Variants in ATP10A observed in about 807,000 individuals in gnomAD.
ATP10A encodes the protein phospholipid-transporting ATPase VA.
In ATP10A, 111 loss-of-function variants were observed where a neutral mutation model predicts 147.8. The observed-to-expected ratio is 0.75, with a 90% CI of 0.64 to 0.88. The LOEUF (loss-of-function observed/expected upper bound fraction) is 0.88. Ranked by LOEUF, ATP10A falls within the 40% of genes least tolerant of loss-of-function variation. The pLI, the probability that ATP10A is intolerant of heterozygous loss-of-function variation, is 0.00. For synonymous variants in ATP10A, 875 were observed against 841.6 expected, an observed-to-expected ratio of 1.04 and a Z score of -0.69; for missense variants, 1,927 against 1,959.0, an observed-to-expected ratio of 0.98 and a Z score of 0.31.
intron 2 of ATP10A, among the ~76,000 whole-genome samples, chr15:25,755,576 G>A (rs1217311199): frequency 6.6e-6 from 1 of 152,156 alleles, no homozygotes; most frequent in Non-Finnish European, 1.5e-5. Flanking sequence ...TGCCACTTGT[G>A]CAAACAACCA....
intron 2 of ATP10A, among the ~76,000 whole-genome samples, chr15:25,736,822 CT>C (rs1887314610): frequency 6.6e-6 from 1 of 152,116 alleles, no homozygotes. Context: ...TAGTGGATTT[CT>C]TTTTTATCAG....
intron 2 of ATP10A, among the ~76,000 whole-genome samples, chr15:25,739,953 C>T (rs1887492903): frequency 6.6e-6 from 1 of 152,154 alleles, no homozygotes; most frequent in Non-Finnish European, 1.5e-5. Flanking sequence ...ATGCCCAGAG[C>T]CCTGCGGCAT....
intron 1 of ATP10A, among the ~76,000 whole-genome samples, chr15:25,811,553 T>C (rs1891434095): frequency 6.6e-6 from 1 of 152,028 alleles, no homozygotes; most frequent in Admixed American, 6.6e-5. Context: ...CCAACGCAGC[T>C]CTTGTTAGAG....
chr15:25,811,927 G>C (rs996857275), intron 1 of ATP10A, among the ~76,000 whole-genome samples: 1 of 152,192 alleles, frequency 6.6e-6, no homozygotes, highest in African/African-American at 2.4e-5. Context: ...AGGAAACCGA[G>C]GCACACGGCT....
chr15:25,674,208 G>C (rs1024352433), downstream of ATP10A, among the ~76,000 whole-genome samples: 1 of 152,246 alleles, frequency 6.6e-6, no homozygotes. Context: ...GGCTTGCTGG[G>C]TGATGAGGCA....
At chr15:25,706,382 C>G (rs1443663935) in intron 12 of ATP10A, among the ~76,000 whole-genome samples, 1 of 152,196 alleles carries the variant, frequency 6.6e-6, no homozygotes, top group Non-Finnish European at 1.5e-5. Context: ...GTGCCTGCGC[C>G]ACGCTCAGTG....
In ATP10A at chr15:25,784,486, C is replaced by T. The variant is rs118129485; in HGVS notation, c.450-3263G>A. On this transcript the variant is annotated intron_variant, in intron 1 of 20. Coordinates refer to ENST00000555815, the MANE Select transcript of ATP10A (RefSeq NM_024490.4). ...AAAATAGAAACTTCAGGGGAGGCATCTGGGCTCTGAAGGAGATTCCCCCCT... is the reference window on the plus strand; with the variant it reads ...AAAATAGAAACTTCAGGGGAGGCATTTGGGCTCTGAAGGAGATTCCCCCCT... Among the ~76,000 whole-genome samples the T allele has an allele frequency of 1.4e-3, 210 of 152,320 alleles. 8 individuals are homozygous for T. The East Asian group carries it at 0.035, about 25-fold the overall frequency.
Position 25,695,159 on chromosome 15 carries a change from T to C in ATP10A, c.2761-13A>G, listed in dbSNP as rs746228908. ...CTGCACACGCCTCCTGAAAGGGACA[T>C]GAGAGGACAGCGCAGTTCCCTCAGA... On this transcript the variant is annotated splice_polypyrimidine_tract_variant and intron_variant, in intron 13 of 20. Transcript: ENST00000555815. 1 of 1,600,876 alleles carries C rather than the reference T, an allele frequency of 6.2e-7. No homozygotes were observed. The highest frequency in any genetic ancestry group is 8.5e-7 in the Non-Finnish European group (1 of 1,171,810).
At chr15:25,847,225 G>A (rs1374099210) in intron 1 of ATP10A, among the ~76,000 whole-genome samples, 1 of 151,706 alleles carries the variant, frequency 6.6e-6, no homozygotes, top group Non-Finnish European at 1.5e-5. Flanking sequence ...TGAGCAGCAC[G>A]CGCAGGCACT....
intron 2 of ATP10A, among the ~76,000 whole-genome samples, chr15:25,743,193 TG>T (rs1443895360): frequency 6.6e-6 from 1 of 152,108 alleles, no homozygotes; most frequent in Non-Finnish European, 1.5e-5. Context: ...AGAGGCCAAC[TG>T]GGATGGAGAA....
At chr15:25,729,226 CCTGTAA>C (rs1237043069) in intron 3 of ATP10A, among the ~76,000 whole-genome samples, 1 of 152,160 alleles carries the variant, frequency 6.6e-6, no homozygotes, top group East Asian at 1.9e-4. Flanking sequence ...GTGGCTCACG[CCTGTAA>C]TCCCAGCACT....
At chr15:25,845,322 T>G (rs951126148) in intron 1 of ATP10A, among the ~76,000 whole-genome samples, 1 of 141,604 alleles carries the variant, frequency 7.1e-6, no homozygotes, top group African/African-American at 2.5e-5. Flanking sequence ...GTTTGTGTGT[T>G]TGTGTGTGTG....
At position 25,863,305 on chromosome 15, in the gene ATP10A, C is replaced by T. The variant is rs1203875439; in HGVS notation, c.-209G>A. ...ACTCCCGTCCAGCCCCGCCGCCCGG[C>T]CGCAGTCCCCAGGGCGCAAGCTGGG... On this transcript the variant is annotated 5_prime_UTR_variant, in exon 1 of 21. Transcript: ENST00000555815. 6 of 180,412 alleles carry T rather than the reference C, an allele frequency of 3.3e-5. No individual in the cohort carries two copies. The highest frequency in any genetic ancestry group is 6.6e-5 in the Non-Finnish European group (6 of 91,202). 11.2% of individuals were successfully genotyped at this position (180,412 alleles called of 1,614,324 possible). A position where few individuals can be genotyped will look rare whatever the true frequency, so the allele number is the denominator to read the frequency against.
chr15:25,682,727 G>C (rs766409486), intron 17 of ATP10A, among the ~76,000 whole-genome samples: 4 of 152,206 alleles, frequency 2.6e-5, no homozygotes, highest in Non-Finnish European at 5.9e-5. Flanking sequence ...ATCAGTGAAT[G>C]AATCTGGAAT....
chr15:25,706,354 C>T (rs1901012510), intron 12 of ATP10A, among the ~76,000 whole-genome samples: 7 of 152,206 alleles, frequency 4.6e-5, no homozygotes, highest in Admixed American at 3.3e-4. Context: ...ACCACACAAC[C>T]GCTCAGTGCC....
intron 1 of ATP10A, among the ~76,000 whole-genome samples, chr15:25,857,399 A>C (rs1893563382): frequency 6.6e-6 from 1 of 152,238 alleles, no homozygotes; most frequent in East Asian, 1.9e-4. Context: ...GTGAACCGTG[A>C]TCATGCCACT....
intron 1 of ATP10A, among the ~76,000 whole-genome samples, chr15:25,828,793 T>A (rs1892226848): frequency 6.6e-6 from 1 of 152,240 alleles, no homozygotes; most frequent in Non-Finnish European, 1.5e-5. Flanking sequence ...CTAATTATTA[T>A]ATGGATTTGG....
intron 1 of ATP10A, among the ~76,000 whole-genome samples, chr15:25,828,245 A>C (rs1342507003): frequency 2.0e-5 from 3 of 152,246 alleles, no homozygotes; most frequent in Non-Finnish European, 4.4e-5. Flanking sequence ...TAGAACTAGC[A>C]GAAATTAACA....
Position 25,721,775 on chromosome 15 carries a change from C to G in ATP10A, c.1245G>C (p.Thr415=), listed in dbSNP as rs374857043. 10 of 1,614,148 alleles carry G rather than the reference C, an allele frequency of 6.2e-6. No homozygotes were observed. The highest frequency in any genetic ancestry group is 1.3e-5 in the African/African-American group (1 of 75,034). The change falls in exon 7 of 21, where the codon ACG becomes ACC. Residue 415 remains threonine, a synonymous_variant. Transcript: ENST00000555815. ...TGTACTGTATCTGTCCTAAGTCTTC[C>G]GTGATGTTCAGAGCTCGGCACTGCA... is the stretch of plus-strand genomic sequence containing the variant. ...SQLQCRALNI[T]EDLGQIQYIF... is the part of the protein sequence containing the mutation.
Sources: gnomAD v4.1 joint callset for allele counts (sites outside exome capture counted in the v4.1 genomes callset) on GRCh38, gnomAD v4.1.1 for gene constraint, MANE v1.5 for transcripts, NCBI Gene and HGNC (gene_info 2026-07-23, HGNC 2026-07-21) for gene names.